The following RPS6KA2 variants were observed in gnomAD, a reference collection of about 807,000 sequenced individuals.
RPS6KA2 encodes ribosomal protein S6 kinase alpha-2.
RPS6KA2 carries 42 observed loss-of-function variants against 91.8 expected under a neutral mutation model. The observed-to-expected ratio is 0.46, with a 90% CI of 0.36 to 0.59. The LOEUF is 0.59. RPS6KA2 is among the 20% of genes least tolerant of loss of function. The probability of loss-of-function intolerance (pLI) is 0.00; values close to 1 mark genes in which losing one functional copy is unlikely to be tolerated. For missense variants in RPS6KA2, 798 were observed against 978.5 expected (o/e 0.82, Z 2.46); for synonymous variants, 414 against 393.6 (o/e 1.05, Z -0.61).
chr6:166,605,498 C>T (rs1785920410), intron 1 of RPS6KA2, among the ~76,000 whole-genome samples: 1 of 152,184 alleles, frequency 6.6e-6, no homozygotes, highest in African/African-American at 2.4e-5. Context: ...CTCTAATAGA[C>T]ATTCCTATTT....
intron 2 of RPS6KA2, among the ~76,000 whole-genome samples, chr6:166,738,437 A>C (rs1790727345): frequency 6.6e-6 from 1 of 152,222 alleles, no homozygotes; most frequent in Non-Finnish European, 1.5e-5. Context: ...ACCCTACAGC[A>C]GGAAGGCCAA....
At chr6:166,773,386 G>A (rs1009750792) in intron 2 of RPS6KA2, among the ~76,000 whole-genome samples, 4 of 150,918 alleles carry the variant, frequency 2.7e-5, no homozygotes, top group South Asian at 4.2e-4. Flanking sequence ...CTTTCTTTTC[G>A]TTTTTTTTTG....
intron 3 of RPS6KA2, among the ~76,000 whole-genome samples, chr6:166,511,942 G>A (rs1245252636): frequency 6.6e-6 from 1 of 152,134 alleles, no homozygotes; most frequent in Non-Finnish European, 1.5e-5. Flanking sequence ...TCTGCTCACA[G>A]GATACACATC....
intron 10 of RPS6KA2, among the ~76,000 whole-genome samples, 200 bp downstream of exon 10, chr6:166,488,633 T>C (rs978204788): frequency 1.3e-5 from 2 of 152,246 alleles, no homozygotes; most frequent in South Asian, 2.1e-4. Context: ...AGCAACTATG[T>C]GTTTTAGAAG....
chr6:166,561,050 C>T (rs1784328004), intron 1 of RPS6KA2, among the ~76,000 whole-genome samples: 1 of 152,042 alleles, frequency 6.6e-6, no homozygotes, highest in African/African-American at 2.4e-5. Flanking sequence ...AAGCGTTCAA[C>T]TTATCCACCA....
At chr6:166,643,296 A>C (rs1690632114) in intron 2 of RPS6KA2, among the ~76,000 whole-genome samples, 1 of 152,258 alleles carries the variant, frequency 6.6e-6, no homozygotes, top group Admixed American at 6.5e-5. Flanking sequence ...GTTAAAAGAC[A>C]AAGAGTGCCA....
intron 1 of RPS6KA2, among the ~76,000 whole-genome samples, chr6:166,552,372 C>A (rs1434472148): frequency 6.6e-6 from 1 of 152,200 alleles, no homozygotes; most frequent in Non-Finnish European, 1.5e-5. Context: ...GCTCAAATGC[C>A]AGGCTGCAGA....
intron 3 of RPS6KA2, among the ~76,000 whole-genome samples, chr6:166,523,348 C>T (rs1162181504): frequency 6.6e-6 from 1 of 152,116 alleles, no homozygotes; most frequent in Non-Finnish European, 1.5e-5. Flanking sequence ...GAGTAAACAC[C>T]TTAAGTACCA....
exon 1 of RPS6KA2, chr6:166,862,538 T>C (rs1562476770): frequency 3.2e-6 from 1 of 316,624 alleles, no homozygotes; most frequent in South Asian, 4.3e-5. Context: ...ACGCTGCACT[T>C]GCAGCTTCGA....
At chr6:166,452,647 G>C (rs768077538) in intron 12 of RPS6KA2, among the ~76,000 whole-genome samples, 2 of 152,108 alleles carry the variant, frequency 1.3e-5, no homozygotes, top group Non-Finnish European at 2.9e-5. Flanking sequence ...TAACGGAACA[G>C]AATAGAAAAC....
chr6:166,478,420 A>AG (rs1781062557), intron 10 of RPS6KA2, among the ~76,000 whole-genome samples: 1 of 152,160 alleles, frequency 6.6e-6, no homozygotes, highest in Non-Finnish European at 1.5e-5. Flanking sequence ...ACCCCGGGCA[A>AG]GGCGGGCATG....
intron 3 of RPS6KA2, among the ~76,000 whole-genome samples, chr6:166,519,376 G>A (rs537470982): frequency 4.3e-4 from 65 of 152,296 alleles, no homozygotes; most frequent in Non-Finnish European, 7.8e-4. Context: ...AAATGTTCTC[G>A]GCTATCTTGA....
intron 2 of RPS6KA2, among the ~76,000 whole-genome samples, chr6:166,797,013 A>G (rs933209455): frequency 2.0e-5 from 3 of 152,244 alleles, no homozygotes; most frequent in Non-Finnish European, 4.4e-5. Flanking sequence ...AGGGCATTTG[A>G]GAGCAGTTCA....
At chr6:166,727,972 G>A (rs1810469) in intron 2 of RPS6KA2, among the ~76,000 whole-genome samples, 40,786 of 152,086 alleles carry the variant, frequency 0.27, 5,655 homozygotes, top group African/African-American at 0.35. Flanking sequence ...AGATGGTCAT[G>A]TCCATACTAA....
chr6:166,812,727 A>G (rs557458600), intron 2 of RPS6KA2, among the ~76,000 whole-genome samples: 13 of 152,334 alleles, frequency 8.5e-5, no homozygotes, highest in Middle Eastern at 3.4e-3. Flanking sequence ...TATTTTTAAG[A>G]ACCTACTTAT....
At chr6:166,498,798 T>A in intron 7 of RPS6KA2, 148 bp from the exon 8 acceptor site, 1 of 1,039,652 alleles carries the variant, frequency 9.6e-7, no homozygotes, top group Non-Finnish European at 1.4e-6. Context: ...CGGGACCATG[T>A]GAGTGCTTCC....
intron 2 of RPS6KA2, among the ~76,000 whole-genome samples, chr6:166,814,209 A>G (rs1194429167): frequency 2.0e-5 from 3 of 152,234 alleles, no homozygotes; most frequent in African/African-American, 4.8e-5. Flanking sequence ...ACAAATTATA[A>G]TTAAAACCAT....
chr6:166,537,460 C>A (rs936233513), intron 2 of RPS6KA2, among the ~76,000 whole-genome samples: 39 of 152,244 alleles, frequency 2.6e-4, no homozygotes, highest in African/African-American at 9.2e-4. Context: ...ACCATATCAA[C>A]TAGCCATATT....
At chr6:166,824,113 AC>A (rs1335914718) in intron 2 of RPS6KA2, among the ~76,000 whole-genome samples, 1 of 152,114 alleles carries the variant, frequency 6.6e-6, no homozygotes, top group East Asian at 1.9e-4. Context: ...ATGTGAATAT[AC>A]ATGCTTGTGT....
Sources: gnomAD v4.1 joint callset for allele counts (sites outside exome capture counted in the v4.1 genomes callset) on GRCh38, gnomAD v4.1.1 for gene constraint, MANE v1.5 for transcripts, NCBI Gene and HGNC (gene_info 2026-07-23, HGNC 2026-07-21) for gene names.